Variants in MED1 observed in about 807,000 individuals in gnomAD.
MED1 encodes the protein mediator complex subunit 1, also known as mediator of RNA polymerase II transcription subunit 1.
Under a neutral mutation model 121.3 loss-of-function variants are expected in MED1, and 17 were observed. The observed-to-expected ratio is 0.14, with a 90% CI of 0.10 to 0.21. The LOEUF is 0.21. Among genes scored for constraint, MED1 ranks in the 10% least tolerant of loss-of-function variants. MED1 has a pLI of 1.00. For missense variants in MED1, 1,558 were observed against 1,919.4 expected (o/e 0.81, Z 3.52); for synonymous variants, 661 against 694.4 (o/e 0.95, Z 0.76).
chr17:39,405,747 T>C lies in MED1; in HGVS notation c.*1728A>G. The C allele has an allele frequency of 2.0e-6, 2 of 988,376 alleles. No individual in the cohort carries two copies. The highest frequency in any genetic ancestry group is 2.4e-6 in the Non-Finnish European group (2 of 831,834). 61.2% of individuals were successfully genotyped at this position (988,376 alleles called of 1,614,324 possible). ...CAGAGTTGTTGAGAGCTGATGACAA[T>C]AAAAAGGAGAACACTAGAGGAAATG... On this transcript the variant is annotated 3_prime_UTR_variant, in exon 17 of 17. Transcript: ENST00000300651.
chr17:39,413,081 T>A (rs2048371421), intron 16 of MED1, among the ~76,000 whole-genome samples: 1 of 152,002 alleles, frequency 6.6e-6, no homozygotes, highest in African/African-American at 2.4e-5. Flanking sequence ...AAGTTGGCTT[T>A]TTGTTTGTTT....
At position 39,439,213 on chromosome 17, in the gene MED1, T is replaced by A. The variant is rs200989226; in HGVS notation, c.400-20A>T. The A allele has an allele frequency of 1.3e-6, 2 of 1,574,544 alleles. No homozygotes were observed. The highest frequency in any genetic ancestry group is 2.8e-5 in the African/African-American group (2 of 72,484). On this transcript the variant is annotated intron_variant, in intron 5 of 16. Transcript: ENST00000300651. Reference sequence around the variant, plus strand: ...ACAGCTCTGAAATCAAAGAAAATTATGTTAAAACATTAAAACTACTTTAGC... The same window carrying A: ...ACAGCTCTGAAATCAAAGAAAATTAAGTTAAAACATTAAAACTACTTTAGC...
intron 14 of MED1, among the ~76,000 whole-genome samples, chr17:39,418,208 A>T (rs2048428612): frequency 1.3e-5 from 2 of 151,998 alleles, no homozygotes; most frequent in South Asian, 4.1e-4. Flanking sequence ...AAACATACTC[A>T]GAACTAAACC....
Position 39,407,631 on chromosome 17 carries a change from T to C in MED1, c.4590A>G (p.Pro1530=). The C allele has an allele frequency of 1.2e-6, 2 of 1,614,178 alleles. No homozygotes were observed. Reference sequence around the variant, plus strand: ...AGATGGGTGATTTGGACCAACTCTCTGGCTTGATGCTATGAGATTTTTTCT... The same window carrying C: ...AGATGGGTGATTTGGACCAACTCTCCGGCTTGATGCTATGAGATTTTTTCT... ...RDKKKSHSIK[P]ESWSKSPISS... Residue 1530 remains proline, a synonymous_variant, in exon 17 of 17, where the codon CCA becomes CCG. Coordinates refer to ENST00000300651, the MANE Select transcript of MED1 (RefSeq NM_004774.4).
At chr17:39,418,569 G>A (rs560491267) in intron 14 of MED1, among the ~76,000 whole-genome samples, 1 of 151,310 alleles carries the variant, frequency 6.6e-6, no homozygotes, top group East Asian at 1.9e-4. Context: ...AGCATTCCAA[G>A]TTCTACCTTA....
rs35379518 is a variant in MED1 at position 39,409,409 on chromosome 17, C to T, written c.2812G>A (p.Gly938Ser). Reference sequence around the variant, plus strand: ...AGATCTGCAGGAGCTAAAGCTTTGCCGGCTACTGAAATAATACTGAAATCA... The same window carrying T: ...AGATCTGCAGGAGCTAAAGCTTTGCTGGCTACTGAAATAATACTGAAATCA... ...TVDFSIISVA[G>S]KALAPADLME... The change falls in exon 17 of 17, where the codon GGC becomes AGC. Residue 938 changes from glycine (G) to serine (S), a missense_variant. Coordinates refer to ENST00000300651, the MANE Select transcript of MED1 (RefSeq NM_004774.4). 64 of 1,614,070 alleles carry T rather than the reference C, an allele frequency of 4.0e-5. No homozygotes were observed. In the African/African-American group the frequency reaches 7.3e-4, roughly 18 times the overall value.
chr17:39,412,969 A>G lies in MED1; in HGVS notation c.1499+2057T>C, dbSNP rs77833160. Reference sequence around the variant, plus strand: ...GAACAGCAGTGTTCCAATAAAATTTATTTACAAAAATAGGCTGCCAGACCC... The same window carrying G: ...GAACAGCAGTGTTCCAATAAAATTTGTTTACAAAAATAGGCTGCCAGACCC... On this transcript the variant is annotated intron_variant, in intron 16 of 16. Transcript: ENST00000300651. Among the ~76,000 whole-genome samples, 493 of 152,334 alleles carry G rather than the reference A, an allele frequency of 3.2e-3. 5 individuals are homozygous for G. The highest frequency in any genetic ancestry group is 0.011 in the African/African-American group (478 of 41,586).
intron 9 of MED1, among the ~76,000 whole-genome samples, chr17:39,428,431 C>T (rs2048534902): frequency 6.6e-6 from 1 of 152,058 alleles, no homozygotes; most frequent in African/African-American, 2.4e-5. Flanking sequence ...TTACAGTGAG[C>T]TGAGATCATG....
At chr17:39,438,838 G>A (rs1273609408) in intron 6 of MED1, among the ~76,000 whole-genome samples, 3 of 152,162 alleles carry the variant, frequency 2.0e-5, no homozygotes, top group African/African-American at 4.8e-5. Context: ...AGTCCCAGCC[G>A]CTCTGGAGGC....
chr17:39,413,912 T>TAAAAAAAAAAA (rs66489961), intron 16 of MED1, among the ~76,000 whole-genome samples: 2 of 69,850 alleles, frequency 2.9e-5, no homozygotes, highest in African/African-American at 5.6e-5. Context: ...GTAATATCAT[T>TAAAAAAAAAAA]AAAAAAAAAA....
rs1448670644 is a variant in MED1 at position 39,410,362 on chromosome 17, G to A, written c.1859C>T (p.Ser620Leu). 8 of 1,614,016 alleles carry A rather than the reference G, an allele frequency of 5.0e-6. No individual in the cohort carries two copies. Among genetic ancestry groups the A allele is most frequent in the Admixed American group, 1.7e-5 (1 of 59,990 alleles). ...ITGNGGSTIGSSPTPPHHTPP... is the reference protein window; with the variant it reads ...ITGNGGSTIGLSPTPPHHTPP... Reference sequence around the variant, plus strand: ...CGTGTGATGAGGAGGGGTCGGACTCGAGCCAATGGTAGACCCCCCGTTCCC... The same window carrying A: ...CGTGTGATGAGGAGGGGTCGGACTCAAGCCAATGGTAGACCCCCCGTTCCC... The change falls in exon 17 of 17, where the codon TCG becomes TTG. Residue 620 changes from serine (S) to leucine (L), a missense_variant. Ser to Leu is a moderately radical substitution (Grantham distance 145). Around this residue, in one of 5 missense-constraint regions of MED1, gnomAD observed 793 missense variants for 898.2 expected, o/e 0.88. Transcript: ENST00000300651.
In MED1 at chr17:39,447,894, C is replaced by T; in HGVS notation, c.36G>A (p.Lys12=). The change falls in exon 2 of 17, where the codon AAG becomes AAA. Residue 12 remains lysine (K), a synonymous_variant. Coordinates refer to ENST00000300651, the MANE Select transcript of MED1 (RefSeq NM_004774.4). ...CCAGGAGAGAACTCATCTTACTCAG[C>T]TTTTCTGACTCTATGATTTAAATCA... ...KAQGETEESE[K]LSKMSSLLER... The T allele has an allele frequency of 6.2e-7, 1 of 1,609,370 alleles. No individual in the cohort carries two copies. Among genetic ancestry groups the T allele is most frequent in the Non-Finnish European group, 8.5e-7 (1 of 1,176,452 alleles).
chr17:39,425,780 C>A (rs545106854), intron 10 of MED1, among the ~76,000 whole-genome samples: 1 of 146,908 alleles, frequency 6.8e-6, no homozygotes, highest in Non-Finnish European at 1.5e-5. Flanking sequence ...CCAGCCTGGG[C>A]GACAGAGTGA....
chr17:39,420,222 CAG>C (rs1361465289), intron 13 of MED1, among the ~76,000 whole-genome samples: 1 of 131,526 alleles, frequency 7.6e-6, no homozygotes, highest in Non-Finnish European at 1.6e-5. Context: ...TTTTTTGAGA[CAG>C]AGTCTCCCTC....
chr17:39,435,962 C>T (rs1399500247), intron 6 of MED1, among the ~76,000 whole-genome samples: 1 of 152,118 alleles, frequency 6.6e-6, no homozygotes, highest in Non-Finnish European at 1.5e-5. Flanking sequence ...ATCCCAGCTA[C>T]TCAGGAGGCT....
intron 11 of MED1, 47 bp from the exon 12 acceptor site, chr17:39,423,868 A>C: frequency 6.4e-7 from 1 of 1,556,810 alleles, no homozygotes; most frequent in Non-Finnish European, 8.6e-7. Context: ...CTTGATATAA[A>C]AATGAAAAAC....
At position 39,407,432 on chromosome 17, in the gene MED1, G is replaced by GC. The variant is rs1555617992; in HGVS notation, c.*42_*43insG. On this transcript the variant is annotated 3_prime_UTR_variant, in exon 17 of 17. Transcript: ENST00000300651. ...TGGTTTGCCTATAAACTTATCAATAGTTTTTTTTCCTCTGGCCCTGTTTCT... is the reference window on the plus strand; with the variant it reads ...TGGTTTGCCTATAAACTTATCAATAGCTTTTTTTTCCTCTGGCCCTGTTTCT... The GC allele has an allele frequency of 1.3e-6, 2 of 1,548,678 alleles. No individual in the cohort carries two copies. Among genetic ancestry groups the GC allele is most frequent in the African/African-American group, 1.4e-5 (1 of 72,258 alleles).
At chr17:39,416,491 A>G (rs1473638837) in intron 14 of MED1, among the ~76,000 whole-genome samples, 2 of 152,212 alleles carry the variant, frequency 1.3e-5, no homozygotes, top group African/African-American at 4.8e-5. Context: ...CTTTCTTTGT[A>G]AAAAGCATGC....
In MED1 at chr17:39,410,194, G is replaced by T. The variant is rs2048343261; in HGVS notation, c.2027C>A (p.Pro676His). ...GCTCCCCGAGCATATTTCCATGCGG[G>T]GTGAGCCGGAAGAGGAGTTCTGCCT... ...LERQNSSSGS[P>H]RMEICSGSNK... The change falls in exon 17 of 17, where the codon CCC becomes CAC. Residue 676 changes from proline (P) to histidine (H), a missense_variant. Physicochemically the swap from Pro to His is moderately conservative, Grantham distance 77. Transcript: ENST00000300651. 6.2e-7 allele frequency: 1 copy of T among 1,614,026 alleles called. No individual in the cohort carries two copies. Among genetic ancestry groups the T allele is most frequent in the Non-Finnish European group, 8.5e-7 (1 of 1,180,022 alleles).
Sources: gnomAD v4.1 joint callset for allele counts (sites outside exome capture counted in the v4.1 genomes callset) on GRCh38, gnomAD v4.1.1 for gene constraint, gnomAD v4.1.1 regional missense constraint, MANE v1.5 for transcripts, NCBI Gene and HGNC (gene_info 2026-07-23, HGNC 2026-07-21) for gene names.